The following CELF1 variants were observed in gnomAD, a reference collection of about 807,000 sequenced individuals.
CELF1 encodes CUGBP Elav-like family member 1, also known as 50 kDa nuclear polyadenylated RNA-binding protein.
A neutral mutation model predicts 61.8 loss-of-function variants in CELF1; 10 were observed. That is an observed-to-expected ratio of 0.16 (90% CI 0.10 to 0.27). The LOEUF (loss-of-function observed/expected upper bound fraction) is 0.27, where lower values mean the gene tolerates loss of function less well. Among genes scored for constraint, CELF1 ranks in the 10% least tolerant of loss-of-function variants. The pLI, the probability that CELF1 is intolerant of heterozygous loss-of-function variation, is 1.00. For synonymous variants in CELF1, 236 were observed against 225.1 expected (o/e 1.05, Z -0.43); for missense variants, 380 against 639.1 (o/e 0.59, Z 4.37).
intron 3 of CELF1, among the ~76,000 whole-genome samples, chr11:47,489,955 T>TTTTTTTTTTTTTTTTTTTTTTTAA (rs71042675): frequency 7.1e-6 from 1 of 141,284 alleles, no homozygotes; most frequent in Non-Finnish European, 1.5e-5. Flanking sequence ...TTTTTTTTTT[T>TTTTTTTTTTTTTTTTTTTTTTTAA]GAGACGGAAT....
At position 47,553,004 on chromosome 11, in the gene CELF1, C is replaced by G. The variant is rs917346836; in HGVS notation, c.-166G>C. 3.8e-5 allele frequency: 15 copies of G among 398,280 alleles called. No homozygotes were observed. The highest frequency in any genetic ancestry group is 5.8e-5 in the Non-Finnish European group (13 of 225,890). The allele number at this position is 398,280 out of a possible 1,614,324, so 24.7% of individuals were successfully genotyped here. ...CCGCAGCACTCACCAGCGGCTGCAC[C>G]TGAGCCTGCCGCTGCCTCAGTTGCT... On this transcript the variant is annotated 5_prime_UTR_variant, in exon 1 of 15. Transcript: ENST00000687097.
chr11:47,530,086 C>T (rs926235051), intron 1 of CELF1, among the ~76,000 whole-genome samples: 5 of 152,160 alleles, frequency 3.3e-5, no homozygotes, highest in African/African-American at 7.2e-5. Context: ...CCTAAATCAT[C>T]GCACTGCGCA....
intron 1 of CELF1, among the ~76,000 whole-genome samples, chr11:47,535,679 C>CA (rs111271894): frequency 0.05 from 4,731 of 94,866 alleles, 241 homozygotes; most frequent in African/African-American, 0.14. Context: ...AACCCCATCT[C>CA]AAAAAAAAAA....
At chr11:47,555,948 C>T (rs964756294), upstream of CELF1, among the ~76,000 whole-genome samples, 7 of 144,342 alleles carry the variant, frequency 4.8e-5, no homozygotes, top group African/African-American at 1.6e-4. Flanking sequence ...TGCAGTGAGT[C>T]GAGATCGAAC....
intron 1 of CELF1, among the ~76,000 whole-genome samples, chr11:47,535,706 C>G (rs2096612618): frequency 6.7e-6 from 1 of 149,114 alleles, no homozygotes; most frequent in East Asian, 2.0e-4. Flanking sequence ...TAAATCATGT[C>G]TTGTTTTGCT....
chr11:47,497,189 ATT>A (rs1244310730), intron 3 of CELF1, among the ~76,000 whole-genome samples: 1 of 152,234 alleles, frequency 6.6e-6, no homozygotes, highest in East Asian at 1.9e-4. Context: ...AATGAGCAGT[ATT>A]TAGAATAAAG....
At chr11:47,473,349 C>T in intron 13 of CELF1, 118 bp from the exon 14 acceptor site, 4 of 934,310 alleles carry the variant, frequency 4.3e-6, no homozygotes, top group Non-Finnish European at 4.8e-6. Flanking sequence ...AACAGAGATT[C>T]ATCTGGGGAA....
chr11:47,530,245 T>C (rs1004142897), intron 1 of CELF1, among the ~76,000 whole-genome samples: 6 of 151,808 alleles, frequency 4.0e-5, no homozygotes, highest in Non-Finnish European at 7.4e-5. Flanking sequence ...TATAATAGAG[T>C]CAACTATGCA....
intron 12 of CELF1, among the ~76,000 whole-genome samples, 179 bp downstream of exon 12, chr11:47,476,667 T>C (rs560421843): frequency 3.3e-5 from 5 of 152,266 alleles, no homozygotes; most frequent in South Asian, 4.1e-4. Context: ...ACCTCGTGAT[T>C]CGCCCACCTT....
At chr11:47,478,351 C>G (rs1038615360) in intron 10 of CELF1, among the ~76,000 whole-genome samples, 2 of 152,200 alleles carry the variant, frequency 1.3e-5, no homozygotes, top group Non-Finnish European at 2.9e-5. Flanking sequence ...CTGATGGGCC[C>G]TAGCTCAGGT....
intron 3 of CELF1, among the ~76,000 whole-genome samples, chr11:47,492,958 G>A (rs894490040): frequency 2.6e-5 from 4 of 152,102 alleles, no homozygotes; most frequent in Non-Finnish European, 5.9e-5. Context: ...TCTGTATTAC[G>A]GAGGCAACTG....
intron 3 of CELF1, among the ~76,000 whole-genome samples, chr11:47,494,752 C>T (rs1342816391): frequency 1.3e-5 from 2 of 152,298 alleles, no homozygotes; most frequent in South Asian, 2.1e-4. Context: ...AAAACAAAAA[C>T]GGGCCTGGCC....
chr11:47,524,573 CAGAT>C (rs917232705), intron 1 of CELF1: 8 of 152,254 alleles, frequency 5.3e-5, no homozygotes, highest in African/African-American at 1.7e-4. Flanking sequence ...CACAGACAGA[CAGAT>C]GGATGCACGT....
intron 1 of CELF1, among the ~76,000 whole-genome samples, chr11:47,540,146 A>C (rs1342008033): frequency 6.6e-6 from 1 of 152,232 alleles, no homozygotes; most frequent in African/African-American, 2.4e-5. Flanking sequence ...CTAAGCAGTA[A>C]GGCAGTTTCC....
At chr11:47,516,497 T>G (rs1350167141) in intron 1 of CELF1, among the ~76,000 whole-genome samples, 1 of 152,186 alleles carries the variant, frequency 6.6e-6, no homozygotes, top group African/African-American at 2.4e-5. Context: ...TTCTTAAATC[T>G]TCCGGGTATT....
At chr11:47,549,653 C>G (rs2097082899) in intron 1 of CELF1, among the ~76,000 whole-genome samples, 1 of 151,994 alleles carries the variant, frequency 6.6e-6, no homozygotes, top group African/African-American at 2.4e-5. Flanking sequence ...ATGGTGGTTA[C>G]CAGGGGCTAG....
Position 47,537,053 on chromosome 11 carries a change from T to G in CELF1, c.-154+15939A>C, listed in dbSNP as rs140588468. Among the ~76,000 whole-genome samples, 287 of 152,250 alleles carry G rather than the reference T, an allele frequency of 1.9e-3. 1 individual carries two copies. Among genetic ancestry groups the G allele is most frequent in the Middle Eastern group, 0.014 (4 of 294 alleles). ...TGGTTTACTATTTCCTTGATTTTAT[T>G]TGGAAAAGCATGTCTTGGCCCAGAA... On this transcript the variant is annotated intron_variant, in intron 1 of 14. Coordinates refer to ENST00000687097, the MANE Select transcript of CELF1 (RefSeq NM_001376376.1).
intron 2 of CELF1, among the ~76,000 whole-genome samples, chr11:47,564,171 C>CAAAAAAAA (rs779009192): frequency 2.6e-3 from 165 of 62,868 alleles, no homozygotes; most frequent in African/African-American, 5.6e-3. Flanking sequence ...ACTAAAAATA[C>CAAAAAAAA]AAAAAAAAAA....
At chr11:47,481,097 TTCTTC>T (rs1565766568) in intron 9 of CELF1, among the ~76,000 whole-genome samples, 5 of 63,888 alleles carry the variant, frequency 7.8e-5, no homozygotes, top group Non-Finnish European at 1.6e-4. Context: ...TTTTTTTTTC[TTCTTC>T]TTTTTTTTTT....
Sources: gnomAD v4.1 joint callset for allele counts (sites outside exome capture counted in the v4.1 genomes callset) on GRCh38, gnomAD v4.1.1 for gene constraint, MANE v1.5 for transcripts, NCBI Gene and HGNC (gene_info 2026-07-23, HGNC 2026-07-21) for gene names.